TAFAZZIN: variants seen among roughly 807,000 people sequenced by gnomAD.
The protein encoded by TAFAZZIN is protein G4.5.
In TAFAZZIN, 6 loss-of-function variants were observed where a neutral mutation model predicts 27.3. The observed-to-expected ratio is 0.22, with a 90% CI of 0.12 to 0.43. The LOEUF (loss-of-function observed/expected upper bound fraction) is 0.43. Among genes scored for constraint, TAFAZZIN ranks in the 20% least tolerant of loss-of-function variants. TAFAZZIN has a pLI of 1.00. For missense variants in TAFAZZIN, 127 were observed against 244.5 expected (o/e 0.52, Z 3.21); for synonymous variants, 79 against 96.2 (o/e 0.82, Z 1.04).
intron 5 of TAFAZZIN, among the ~76,000 whole-genome samples, chrX:154,416,361 GGA>G (rs1338933570): frequency 1.8e-5 from 2 of 110,885 alleles, no homozygotes; most frequent in African/African-American, 6.6e-5. Context: ...CGTGAACCCG[GGA>G]GGCAGAGCTT....
intron 5 of TAFAZZIN, 69 bp downstream of exon 5, chrX:154,414,259 C>G (rs2068417148): frequency 1.1e-6 from 1 of 951,207 alleles, no homozygotes; most frequent in Admixed American, 2.5e-5. Context: ...GAGGATCACT[C>G]AAGCCCAGGA....
intron 5 of TAFAZZIN, among the ~76,000 whole-genome samples, chrX:154,416,963 G>A (rs4898493): frequency 0.12 from 12,986 of 110,025 alleles, 597 homozygotes; most frequent in South Asian, 0.16. Context: ...GTGAAACCCC[G>A]TCTCTACTAA....
At chrX:154,412,640 T>C (rs1302481402) in intron 2 of TAFAZZIN, 3 of 188,005 alleles carry the variant, frequency 1.6e-5, no homozygotes, top group Non-Finnish European at 3.0e-5. Context: ...CGTTCAGCCC[T>C]ATTTGGGAGC....
chrX:154,412,056 C>G, intron 1 of TAFAZZIN, 30 bp from the exon 2 acceptor site: 1 of 1,209,314 alleles, frequency 8.3e-7, no homozygotes, highest in Middle Eastern at 2.3e-4. Context: ...CGGGCGAGCC[C>G]GGAGCGCCTG....
intron 2 of TAFAZZIN, chrX:154,412,503 A>G (rs1475186816): frequency 1.8e-5 from 6 of 342,208 alleles, no homozygotes; most frequent in Non-Finnish European, 3.1e-5. Context: ...TCTCTAAACC[A>G]TCCAGGGCCC....
chrX:154,411,870 C>G lies in TAFAZZIN; in HGVS notation c.27C>G (p.Phe9Leu), dbSNP rs1223065368. The G allele has an allele frequency of 5.0e-6, 6 of 1,201,304 alleles. No homozygotes were observed. The African/African-American group carries it at 7.0e-5, about 14-fold the overall frequency. ...TGCCTCTGCACGTGAAGTGGCCGTTCCCCGCGGTGCCGCCGCTCACCTGGA... is the reference window on the plus strand; with the variant it reads ...TGCCTCTGCACGTGAAGTGGCCGTTGCCCGCGGTGCCGCCGCTCACCTGGA... MPLHVKWP[F>L]PAVPPLTWTL... Residue 9 changes from phenylalanine to leucine, a missense_variant, in exon 1 of 11, where the codon TTC becomes TTG. Physicochemically the swap from Phe to Leu is conservative, Grantham distance 22. Around this residue, in one of 3 missense-constraint regions of TAFAZZIN, gnomAD observed 17 missense variants for 16.2 expected, o/e 1.05. Coordinates refer to ENST00000601016, the MANE Select transcript of TAFAZZIN (RefSeq NM_000116.5).
At chrX:154,414,846 G>A (rs914219059) in intron 5 of TAFAZZIN, among the ~76,000 whole-genome samples, 2 of 109,876 alleles carry the variant, frequency 1.8e-5, no homozygotes, top group South Asian at 3.9e-4. Flanking sequence ...AAAATTAGCC[G>A]GGCGTGGTGG....
intron 4 of TAFAZZIN, 94 bp from the exon 5 acceptor site, chrX:154,414,006 AG>A (rs1164372048): frequency 3.4e-6 from 2 of 588,426 alleles, no homozygotes; most frequent in Non-Finnish European, 5.9e-6. Context: ...TTCTCCAGAC[AG>A]GGAGGATCAC....
intron 2 of TAFAZZIN, 166 bp downstream of exon 2, chrX:154,412,380 C>G: frequency 1.5e-6 from 1 of 680,932 alleles, no homozygotes; most frequent in Non-Finnish European, 2.2e-6. Context: ...GCTCCTGCAG[C>G]ATCCCTGAGG....
At chrX:154,414,857 T>C (rs2068437732) in intron 5 of TAFAZZIN, among the ~76,000 whole-genome samples, 1 of 109,066 alleles carries the variant, frequency 9.2e-6, no homozygotes, top group Non-Finnish European at 1.9e-5. Context: ...GGCGTGGTGG[T>C]GTGTGCCTGT....
Position 154,421,233 on chromosome X carries a change from G to A in TAFAZZIN, c.*229G>A. ...GCAGGGAGGAAGAAGCTTAGGCAGG[G>A]CTCTCTTTCCTTCTTGCCTTCAGAT... On this transcript the variant is annotated 3_prime_UTR_variant, in exon 11 of 11. Coordinates refer to ENST00000601016, the MANE Select transcript of TAFAZZIN (RefSeq NM_000116.5). 2.0e-6 allele frequency: 1 copy of A among 494,836 alleles called. No individual in the cohort carries two copies. Among genetic ancestry groups the A allele is most frequent in the Non-Finnish European group, 3.6e-6 (1 of 274,932 alleles). The allele number at this position is 494,836 out of a possible 1,213,427, so 40.8% of individuals were successfully genotyped here. A position where few individuals can be genotyped will look rare whatever the true frequency, so the allele number is the denominator to read the frequency against.
At chrX:154,412,049 G>A in intron 1 of TAFAZZIN, 37 bp from the exon 2 acceptor site, 1 of 1,208,826 alleles carries the variant, frequency 8.3e-7, no homozygotes, top group Middle Eastern at 2.3e-4. Context: ...GACCTAGCGG[G>A]CGAGCCCGGA....
In TAFAZZIN at chrX:154,421,390, C is replaced by T; in HGVS notation, c.*386C>T. The T allele has an allele frequency of 2.8e-6, 1 of 353,210 alleles. No homozygotes were observed. The highest frequency in any genetic ancestry group is 2.6e-5 in the South Asian group (1 of 38,727). The allele number at this position is 353,210 out of a possible 1,213,427, so 29.1% of individuals were successfully genotyped here. On this transcript the variant is annotated 3_prime_UTR_variant, in exon 11 of 11. Coordinates refer to ENST00000601016, the MANE Select transcript of TAFAZZIN (RefSeq NM_000116.5). ...GACTCCTCGGCCTGGCTCCTACCCA[C>T]CGCCCTTGCCGAACCAGGAGCTGCT...
intron 5 of TAFAZZIN, 81 bp from the exon 6 acceptor site, chrX:154,419,462 G>T: frequency 9.9e-7 from 1 of 1,005,078 alleles, no homozygotes; most frequent in Non-Finnish European, 1.4e-6. Context: ...ATTGAGGTTT[G>T]GAGAGTGTTG....
At chrX:154,419,457 G>A (rs1603381251) in intron 5 of TAFAZZIN, 86 bp from the exon 6 acceptor site, 1 of 973,914 alleles carries the variant, frequency 1.0e-6, no homozygotes, top group East Asian at 3.1e-5. Context: ...GTTTCATTGA[G>A]GTTTGGAGAG....
At position 154,413,197 on chromosome X, in the gene TAFAZZIN, T is replaced by C. The variant is rs1557191555; in HGVS notation, c.239-10T>C. ...GGAAGTTGGGGCATGAAGCCTTTCCTGTCCTCTAGGGATCCTGAAACTCCG... is the reference window on the plus strand; with the variant it reads ...GGAAGTTGGGGCATGAAGCCTTTCCCGTCCTCTAGGGATCCTGAAACTCCG... On this transcript the variant is annotated splice_polypyrimidine_tract_variant and intron_variant, in intron 2 of 10. Coordinates refer to ENST00000601016, the MANE Select transcript of TAFAZZIN (RefSeq NM_000116.5). 1 of 1,212,172 alleles carries C rather than the reference T, an allele frequency of 8.2e-7. No homozygotes were observed. Among genetic ancestry groups the C allele is most frequent in the South Asian group, 1.8e-5 (1 of 57,022 alleles).
Position 154,411,770 on chromosome X carries a change from C to A in TAFAZZIN, c.-74C>A, listed in dbSNP as rs4898379. On this transcript the variant is annotated 5_prime_UTR_variant, in exon 1 of 11. Coordinates refer to ENST00000601016, the MANE Select transcript of TAFAZZIN (RefSeq NM_000116.5). The stretch of plus-strand genomic sequence containing the variant: ...GTCAGGGGCCAGTGTCTCGAGCGGT[C>A]GAGGTCGCAGACCTAGAGGCGCCCC... The A allele has an allele frequency of 7.3e-5, 72 of 988,335 alleles. No homozygotes were observed. The highest frequency in any genetic ancestry group is 6.1e-5 in the Non-Finnish European group (44 of 723,626). The allele number at this position is 988,335 out of a possible 1,213,427, so 81.4% of individuals were successfully genotyped here.
chrX:154,413,435 G>A (rs782229844), intron 3 of TAFAZZIN, 47 bp from the exon 4 acceptor site: 5 of 1,208,167 alleles, frequency 4.1e-6, no homozygotes, highest in African/African-American at 3.5e-5. Flanking sequence ...GCAGGGTGGT[G>A]GAGCGGGGTG....
intron 2 of TAFAZZIN, chrX:154,412,457 C>T (rs1557191271): frequency 7.1e-6 from 3 of 424,053 alleles, no homozygotes; most frequent in Non-Finnish European, 1.2e-5. Context: ...GCATATCTTA[C>T]AGCTCCTTTA....
Sources: gnomAD v4.1 joint callset for allele counts (sites outside exome capture counted in the v4.1 genomes callset) on GRCh38, gnomAD v4.1.1 for gene constraint, gnomAD v4.1.1 regional missense constraint, MANE v1.5 for transcripts, NCBI Gene and HGNC (gene_info 2026-07-23, HGNC 2026-07-21) for gene names.